Variants in PREX2 observed in about 807,000 individuals in gnomAD.
PREX2 encodes the protein phosphatidylinositol 3,4,5-trisphosphate-dependent Rac exchanger 2 protein.
In PREX2, 107 loss-of-function variants were observed where a neutral mutation model predicts 203.2. The observed-to-expected ratio is 0.53, with a 90% CI of 0.45 to 0.62. The LOEUF (loss-of-function observed/expected upper bound fraction) is 0.62. Among genes scored for constraint, PREX2 ranks in the 20% least tolerant of loss-of-function variants. PREX2 has a pLI of 0.00. For synonymous variants in PREX2, 672 were observed against 663.6 expected, an observed-to-expected ratio of 1.01 and a Z score of -0.19; for missense variants, 1,777 against 1,955.9, an observed-to-expected ratio of 0.91 and a Z score of 1.72.
At chr8:68,041,031 C>T (rs991206426) in intron 7 of PREX2, among the ~76,000 whole-genome samples, 1 of 152,094 alleles carries the variant, frequency 6.6e-6, no homozygotes, top group East Asian at 1.9e-4. Flanking sequence ...TGATTTTAAG[C>T]AAAATAGTAG....
rs148501654 is a variant in PREX2, at chr8:68,100,506, C to G, written c.2715+663C>G. On this transcript the variant is annotated intron_variant, in intron 23 of 39. Coordinates refer to ENST00000288368, the MANE Select transcript of PREX2 (RefSeq NM_024870.4). ...AAGTGCCAGGTTGATCCTTTTGACT[C>G]TGTGGCTAGAGAAAGCCCCTTTGAG... Among the ~76,000 whole-genome samples, 102 of 152,342 alleles carry G rather than the reference C, an allele frequency of 6.7e-4. 3 individuals are homozygous for G. The East Asian group carries it at 0.019, about 28-fold the overall frequency.
chr8:68,070,545 G>T (rs1443084849), intron 13 of PREX2, among the ~76,000 whole-genome samples: 1 of 151,842 alleles, frequency 6.6e-6, no homozygotes, highest in Non-Finnish European at 1.5e-5. Context: ...TTGTACTTTT[G>T]CAATATACAC....
intron 1 of PREX2, among the ~76,000 whole-genome samples, chr8:68,000,779 C>A (rs757489718): frequency 6.6e-6 from 1 of 151,988 alleles, no homozygotes; most frequent in Non-Finnish European, 1.5e-5. Flanking sequence ...GAATAAAGAG[C>A]CCAGAAATAA....
At chr8:68,193,663 A>C (rs1268187974) in intron 37 of PREX2, among the ~76,000 whole-genome samples, 1 of 152,234 alleles carries the variant, frequency 6.6e-6, no homozygotes, top group Non-Finnish European at 1.5e-5. Flanking sequence ...GAACAAGAAG[A>C]CATAAATGGT....
intron 5 of PREX2, among the ~76,000 whole-genome samples, chr8:68,028,921 A>G (rs1807805566): frequency 6.6e-6 from 1 of 152,028 alleles, no homozygotes; most frequent in African/African-American, 2.4e-5. Flanking sequence ...CCAGAAGGTC[A>G]GTTTAGAGCC....
intron 1 of PREX2, among the ~76,000 whole-genome samples, chr8:68,002,796 A>G (rs893047278): frequency 6.6e-6 from 1 of 152,194 alleles, no homozygotes; most frequent in Non-Finnish European, 1.5e-5. Context: ...TGCCTACTAC[A>G]TGGTGGAAAA....
At chr8:68,114,799 G>T (rs1382934688) in intron 25 of PREX2, among the ~76,000 whole-genome samples, 1 of 152,156 alleles carries the variant, frequency 6.6e-6, no homozygotes, top group African/African-American at 2.4e-5. Flanking sequence ...ACTCCTGTTT[G>T]TACGAGCAGG....
At chr8:68,100,539 G>A (rs1001423956) in intron 23 of PREX2, among the ~76,000 whole-genome samples, 1 of 152,196 alleles carries the variant, frequency 6.6e-6, no homozygotes, top group Admixed American at 6.5e-5. Context: ...GAGAAGGCTT[G>A]ACAAGTAGAA....
chr8:68,054,371 C>A (rs1946669), intron 9 of PREX2, among the ~76,000 whole-genome samples: 43,889 of 142,870 alleles, frequency 0.31, 6,813 homozygotes, highest in African/African-American at 0.39. Flanking sequence ...GAGAAAAAAA[C>A]AAAACAAAAT....
chr8:68,047,844 C>T (rs1808416441), intron 8 of PREX2, among the ~76,000 whole-genome samples: 1 of 151,822 alleles, frequency 6.6e-6, no homozygotes, highest in Non-Finnish European at 1.5e-5. Flanking sequence ...TCAAAACTTG[C>T]AGAAAAAATA....
chr8:68,055,687 C>G (rs1808656040), intron 9 of PREX2, 143 bp from the exon 10 acceptor site: 1 of 718,038 alleles, frequency 1.4e-6, no homozygotes, highest in Non-Finnish European at 2.2e-6. Context: ...TCTTGAACAC[C>G]AGGGCACTAT....
chr8:68,000,618 A>G (rs1000388154), intron 1 of PREX2, among the ~76,000 whole-genome samples: 5 of 152,226 alleles, frequency 3.3e-5, no homozygotes, highest in Non-Finnish European at 5.9e-5. Flanking sequence ...ACGTGGAACC[A>G]AAAAACAAGC....
At chr8:68,168,758 C>A (rs1403854329) in intron 35 of PREX2, among the ~76,000 whole-genome samples, 1 of 152,184 alleles carries the variant, frequency 6.6e-6, no homozygotes, top group Non-Finnish European at 1.5e-5. Context: ...CTGACCAATT[C>A]TTTATAGGGG....
intron 34 of PREX2, among the ~76,000 whole-genome samples, chr8:68,151,860 G>A (rs1194855001): frequency 6.6e-6 from 1 of 151,312 alleles, no homozygotes; most frequent in Non-Finnish European, 1.5e-5. Context: ...TTTGCTCTGA[G>A]AATAATAAAA....
chr8:68,205,523 A>G (rs1812605465), intron 37 of PREX2, among the ~76,000 whole-genome samples: 1 of 152,204 alleles, frequency 6.6e-6, no homozygotes, highest in Non-Finnish European at 1.5e-5. Flanking sequence ...GTCTCTGCCT[A>G]TGTAGAACCG....
intron 35 of PREX2, among the ~76,000 whole-genome samples, chr8:68,161,412 G>A (rs972170265): frequency 1.3e-5 from 2 of 152,060 alleles, no homozygotes; most frequent in African/African-American, 4.8e-5. Flanking sequence ...CTATTAGAGA[G>A]CAGAACAATG....
chr8:67,979,499 A>G (rs994893350), intron 1 of PREX2, among the ~76,000 whole-genome samples: 1 of 152,224 alleles, frequency 6.6e-6, no homozygotes, highest in African/African-American at 2.4e-5. Context: ...CCAATATCAT[A>G]TGGAAAAGTT....
intron 6 of PREX2, 85 bp from the exon 7 acceptor site, chr8:68,038,074 C>G (rs1314154707): frequency 1.4e-6 from 2 of 1,412,506 alleles, no homozygotes; most frequent in South Asian, 1.3e-5. Context: ...AAAATAAAAA[C>G]AACCATAATT....
intron 18 of PREX2, among the ~76,000 whole-genome samples, chr8:68,085,949 G>C (rs1019823192): frequency 6.6e-6 from 1 of 152,098 alleles, no homozygotes; most frequent in South Asian, 2.1e-4. Context: ...ACTCTCATTC[G>C]TAATATATAG....
Sources: allele counts gnomAD v4.1 joint callset (sites outside exome capture counted in the v4.1 genomes callset), GRCh38; gene constraint gnomAD v4.1.1; transcripts MANE v1.5; gene names NCBI Gene and HGNC (gene_info 2026-07-23, HGNC 2026-07-21).